Variants in SMYD3 observed in about 807,000 individuals in gnomAD.
SMYD3 encodes SET and MYND domain containing 3, also known as histone-lysine N-methyltransferase SMYD3.
A neutral mutation model predicts 57.7 loss-of-function variants in SMYD3; 36 were observed. The ratio of observed to expected loss-of-function variants is 0.62; its 90% CI spans 0.48 to 0.82. SMYD3 has a LOEUF of 0.82. Among genes scored for constraint, SMYD3 ranks in the 40% least tolerant of loss-of-function variants. SMYD3 has a pLI of 0.00. For synonymous variants in SMYD3, 211 were observed against 195.0 expected, an observed-to-expected ratio of 1.08 and a Z score of -0.68; for missense variants, 515 against 538.8, an observed-to-expected ratio of 0.96 and a Z score of 0.44.
chr1:245,941,888 A>G (rs1020477794), intron 5 of SMYD3, among the ~76,000 whole-genome samples: 10 of 152,224 alleles, frequency 6.6e-5, no homozygotes, highest in Non-Finnish European at 5.9e-5. Context: ...AGGCTTTATA[A>G]GTGAAGGAGA....
intron 5 of SMYD3, among the ~76,000 whole-genome samples, chr1:246,110,417 G>A (rs188519219): frequency 6.6e-5 from 10 of 152,236 alleles, no homozygotes; most frequent in African/African-American, 1.7e-4. Context: ...AGAACACTCA[G>A]GGGGCTACGG....
chr1:246,326,501 T>A, intron 5 of SMYD3: 2 of 564,370 alleles, frequency 3.5e-6, no homozygotes, highest in Non-Finnish European at 6.2e-6. Flanking sequence ...AGGCCGGGCG[T>A]GGCAGTTCGC....
chr1:246,334,256 A>G (rs553282136), intron 3 of SMYD3, among the ~76,000 whole-genome samples: 1 of 152,324 alleles, frequency 6.6e-6, no homozygotes, highest in Non-Finnish European at 1.5e-5. Flanking sequence ...AGATACATGT[A>G]CTCATACACT....
At chr1:246,170,973 T>G (rs2062320117) in intron 5 of SMYD3, among the ~76,000 whole-genome samples, 1 of 152,212 alleles carries the variant, frequency 6.6e-6, no homozygotes. Flanking sequence ...CTAATTTTTT[T>G]TAAACCAGAA....
intron 8 of SMYD3, among the ~76,000 whole-genome samples, chr1:245,866,875 A>G (rs1355203117): frequency 2.0e-5 from 3 of 152,220 alleles, no homozygotes; most frequent in East Asian, 1.9e-4. Flanking sequence ...AAGCTCACCC[A>G]TTAGACCTTA....
At chr1:246,361,639 T>G (rs2148714266) in intron 1 of SMYD3, among the ~76,000 whole-genome samples, 1 of 152,290 alleles carries the variant, frequency 6.6e-6, no homozygotes, top group African/African-American at 2.4e-5. Flanking sequence ...AATAATGGCA[T>G]TCGCAGCCAC....
At chr1:246,025,395 A>G (rs1174572310) in intron 5 of SMYD3, among the ~76,000 whole-genome samples, 1 of 152,228 alleles carries the variant, frequency 6.6e-6, no homozygotes, top group African/African-American at 2.4e-5. Context: ...AGTGGCCATC[A>G]GAAAGGGAGC....
intron 5 of SMYD3, among the ~76,000 whole-genome samples, chr1:246,229,741 G>A (rs1420479858): frequency 6.6e-6 from 1 of 152,150 alleles, no homozygotes; most frequent in African/African-American, 2.4e-5. Flanking sequence ...CACCCATGAG[G>A]GTGGAACTCT....
chr1:246,366,558 CCTT>C (rs1322932987), intron 1 of SMYD3, among the ~76,000 whole-genome samples: 1 of 147,030 alleles, frequency 6.8e-6, no homozygotes, highest in Non-Finnish European at 1.5e-5. Context: ...TACGAGAAAA[CCTT>C]CTTTTTCTCT....
intron 1 of SMYD3, among the ~76,000 whole-genome samples, chr1:246,494,216 G>A (rs531858933): frequency 5.3e-5 from 8 of 152,270 alleles, no homozygotes; most frequent in Admixed American, 2.0e-4. Context: ...TATCACAGAC[G>A]CTATCCCAAC....
At chr1:246,020,576 T>A (rs2059454109) in intron 5 of SMYD3, among the ~76,000 whole-genome samples, 1 of 152,200 alleles carries the variant, frequency 6.6e-6, no homozygotes, top group Non-Finnish European at 1.5e-5. Flanking sequence ...ATAATAATTA[T>A]GATGAAATCA....
At chr1:246,121,542 A>G (rs531139049) in intron 5 of SMYD3, among the ~76,000 whole-genome samples, 4 of 152,236 alleles carry the variant, frequency 2.6e-5, no homozygotes, top group African/African-American at 9.6e-5. Flanking sequence ...AATGAACAGA[A>G]GTTGACTTAA....
At chr1:246,055,285 T>C (rs955975003) in intron 5 of SMYD3, among the ~76,000 whole-genome samples, 1 of 152,098 alleles carries the variant, frequency 6.6e-6, no homozygotes, top group Admixed American at 6.5e-5. Context: ...GAAAACAGTC[T>C]GGCAGTTCCT....
At chr1:245,887,297 C>T (rs756115077) in intron 8 of SMYD3, among the ~76,000 whole-genome samples, 8 of 152,100 alleles carry the variant, frequency 5.3e-5, no homozygotes, top group Admixed American at 2.0e-4. Context: ...GCCATGGCAA[C>T]GTCAGGAAGT....
intron 8 of SMYD3, among the ~76,000 whole-genome samples, chr1:245,886,372 A>G (rs1395660684): frequency 1.3e-5 from 2 of 152,212 alleles, no homozygotes; most frequent in East Asian, 3.8e-4. Context: ...CAAAGGTTGA[A>G]AGAAGAGGAA....
At chr1:245,870,264 T>C (rs899276856) in intron 8 of SMYD3, among the ~76,000 whole-genome samples, 6 of 152,166 alleles carry the variant, frequency 3.9e-5, no homozygotes, top group African/African-American at 1.4e-4. Flanking sequence ...TAAGATCAGA[T>C]ACGTTCCCAC....
At chr1:246,368,581 CTGAG>C (rs2066145004) in intron 1 of SMYD3, among the ~76,000 whole-genome samples, 1 of 152,174 alleles carries the variant, frequency 6.6e-6, no homozygotes, top group African/African-American at 2.4e-5. Context: ...ATGGTTAATA[CTGAG>C]TGTCAACTTG....
At chr1:245,955,829 T>G in intron 5 of SMYD3, 1 of 621,040 alleles carries the variant, frequency 1.6e-6, no homozygotes, top group South Asian at 7.1e-5. Flanking sequence ...TTTTGGCTAC[T>G]TACAGATGGA....
intron 10 of SMYD3, among the ~76,000 whole-genome samples, chr1:245,820,733 C>T (rs1009621419): frequency 2.6e-5 from 4 of 151,338 alleles, no homozygotes; most frequent in African/African-American, 9.7e-5. Flanking sequence ...AAATCACAAG[C>T]ATTCTTATAC....
Sources: gnomAD v4.1 joint callset for allele counts (sites outside exome capture counted in the v4.1 genomes callset) on GRCh38, gnomAD v4.1.1 for gene constraint, MANE v1.5 for transcripts, NCBI Gene and HGNC (gene_info 2026-07-23, HGNC 2026-07-21) for gene names.